The following MAP3K4 variants were observed in gnomAD, a reference collection of about 807,000 sequenced individuals.
MAP3K4 encodes the protein MAP three kinase 1.
MAP3K4 carries 67 observed loss-of-function variants against 185.6 expected under a neutral mutation model. The ratio of observed to expected loss-of-function variants is 0.36; its 90% CI spans 0.30 to 0.44. The LOEUF is 0.44. Among genes scored for constraint, MAP3K4 ranks in the 20% least tolerant of loss-of-function variants. The pLI is 1.00. For synonymous variants in MAP3K4, 702 were observed against 710.4 expected, an observed-to-expected ratio of 0.99 and a Z score of 0.19; for missense variants, 1,551 against 1,995.1, an observed-to-expected ratio of 0.78 and a Z score of 4.24.
chr6:161,050,579 C>T (rs113482225), intron 3 of MAP3K4, among the ~76,000 whole-genome samples: 11 of 152,150 alleles, frequency 7.2e-5, no homozygotes, highest in Non-Finnish European at 1.6e-4. Flanking sequence ...ATATGTGTTT[C>T]GATATGTGTA....
At chr6:161,057,924 G>A (rs1784315137) in intron 3 of MAP3K4, among the ~76,000 whole-genome samples, 1 of 152,218 alleles carries the variant, frequency 6.6e-6, no homozygotes, top group Admixed American at 6.5e-5. Context: ...TGAGCAAACC[G>A]ACTCAAACTG....
At position 161,073,622 on chromosome 6, in the gene MAP3K4, A is replaced by C. The variant is rs764849051; in HGVS notation, c.2097+10A>C. The C allele has an allele frequency of 5.0e-6, 8 of 1,591,552 alleles. No homozygotes were observed. The highest frequency in any genetic ancestry group is 6.8e-6 in the Non-Finnish European group (8 of 1,172,016). On this transcript the variant is annotated intron_variant, in intron 5 of 26. Coordinates refer to ENST00000392142, the MANE Select transcript of MAP3K4 (RefSeq NM_005922.4). This position sits in a 1 kb window ranked among gnomAD's most constrained non-coding sequence, Gnocchi z 4.2. ...ACATAAAATGCTTATGGTCAGAAGC[A>C]GTGGGGAGGAATTTTTCTTTCTTTC...
chr6:161,066,838 A>T (rs1156519219), intron 3 of MAP3K4, among the ~76,000 whole-genome samples: 1 of 152,172 alleles, frequency 6.6e-6, no homozygotes, highest in African/African-American at 2.4e-5. Context: ...AGAACTAGGG[A>T]TTGTGCCTTT....
Position 161,093,327 on chromosome 6 carries a change from A to G in MAP3K4, c.3348+271A>G, listed in dbSNP as rs868188512. On this transcript the variant is annotated intron_variant, in intron 14 of 26. Coordinates refer to ENST00000392142, the MANE Select transcript of MAP3K4 (RefSeq NM_005922.4). This position sits in a 1 kb window ranked among gnomAD's most constrained non-coding sequence, Gnocchi z 5.2. ...TTGTGAGATTTATATTTTTACTGCC[A>G]TCATAGCTGCTGCTTTGGGGCAGAA... is the stretch of plus-strand genomic sequence containing the variant. Among the ~76,000 whole-genome samples, 7 of 152,222 alleles carry G rather than the reference A, an allele frequency of 4.6e-5. No individual in the cohort carries two copies. Among genetic ancestry groups the G allele is most frequent in the Admixed American group, 2.0e-4 (3 of 15,282 alleles).
Position 161,115,843 on chromosome 6 carries a change from T to C in MAP3K4, c.4806+541T>C, listed in dbSNP as rs1297855081. Among the ~76,000 whole-genome samples the C allele has an allele frequency of 6.6e-6, 1 of 152,022 alleles. No homozygotes were observed. The highest frequency in any genetic ancestry group is 1.5e-5 in the Non-Finnish European group (1 of 68,002). ...AGAGTGGGATGGTCACAGAGCCCTG[T>C]GTAGGTAGATCCTGGTGAACACAGG... On this transcript the variant is annotated intron_variant, in intron 26 of 26. Transcript: ENST00000392142. The surrounding 1 kb of genome is among the most constrained non-coding windows in gnomAD (Gnocchi z 6.0).
chr6:161,070,506 AG>A lies in MAP3K4; in HGVS notation c.1708-101del, dbSNP rs1784889287. On this transcript the variant is annotated intron_variant, in intron 3 of 26. Transcript: ENST00000392142. This position sits in a 1 kb window ranked among gnomAD's most constrained non-coding sequence, Gnocchi z 4.5. ...TTCCCTGTAAAATTAGAATTTTTGT[AG>A]ATTTGTTAGCACATTGTAGAGAATA... The A allele has an allele frequency of 3.6e-6, 3 of 837,762 alleles. No homozygotes were observed. The highest frequency in any genetic ancestry group is 5.3e-6 in the Non-Finnish European group (3 of 565,620). The allele number at this position is 837,762 out of a possible 1,614,324, so 51.9% of individuals were successfully genotyped here.
chr6:161,028,356 T>TG (rs142613772), intron 1 of MAP3K4, among the ~76,000 whole-genome samples: 10,524 of 152,296 alleles, frequency 0.069, 533 homozygotes, highest in East Asian at 0.19. Context: ...CTAGTAAGTG[T>TG]GGGGGCGTAG....
At chr6:161,021,642 A>G (rs1253380122) in intron 1 of MAP3K4, among the ~76,000 whole-genome samples, 1 of 152,190 alleles carries the variant, frequency 6.6e-6, no homozygotes, top group East Asian at 1.9e-4. Context: ...TCCATAGCAT[A>G]ATTCATAAGT....
intron 1 of MAP3K4, among the ~76,000 whole-genome samples, chr6:161,024,984 C>T (rs529230847): frequency 6.6e-6 from 1 of 152,094 alleles, no homozygotes; most frequent in Admixed American, 6.5e-5. Context: ...TCCATCCATC[C>T]ACCCACCCAC....
rs1343293775 is a variant in MAP3K4 at position 161,071,785 on chromosome 6, T to C, written c.1950+935T>C. Among the ~76,000 whole-genome samples, 1 of 152,204 alleles carries C rather than the reference T, an allele frequency of 6.6e-6. No individual in the cohort carries two copies. The highest frequency in any genetic ancestry group is 1.5e-5 in the Non-Finnish European group (1 of 68,026). On this transcript the variant is annotated intron_variant, in intron 4 of 26. Coordinates refer to ENST00000392142, the MANE Select transcript of MAP3K4 (RefSeq NM_005922.4). This position sits in a 1 kb window ranked among gnomAD's most constrained non-coding sequence, Gnocchi z 4.6. Reference sequence around the variant, plus strand: ...TGTTAGCTCCCCTTCCTTCTCACCCTCTTGTTTCTGGTTATTGTCGTGCTG... The same window carrying C: ...TGTTAGCTCCCCTTCCTTCTCACCCCCTTGTTTCTGGTTATTGTCGTGCTG...
intron 1 of MAP3K4, among the ~76,000 whole-genome samples, chr6:161,026,831 G>A (rs1232826814): frequency 6.9e-6 from 1 of 144,194 alleles, no homozygotes. Context: ...GTTTTGTTGT[G>A]TTGTATTTAT....
At chr6:161,069,664 C>T (rs549792293) in intron 3 of MAP3K4, among the ~76,000 whole-genome samples, 4 of 152,222 alleles carry the variant, frequency 2.6e-5, no homozygotes, top group South Asian at 2.1e-4. Flanking sequence ...CAGTGCCAGG[C>T]GTGGGGACGG....
intron 1 of MAP3K4, among the ~76,000 whole-genome samples, chr6:161,028,162 C>A (rs531602499): frequency 6.6e-6 from 1 of 152,216 alleles, no homozygotes; most frequent in Non-Finnish European, 1.5e-5. Flanking sequence ...AGGCCGGTTT[C>A]ATCAGGGACC....
chr6:161,035,176 C>T (rs77660220), intron 2 of MAP3K4, among the ~76,000 whole-genome samples: 5,845 of 152,144 alleles, frequency 0.038, 151 homozygotes, highest in South Asian at 0.072. Flanking sequence ...TTAGAATTTA[C>T]CTGTTAATCT....
chr6:161,105,240 A>G (rs1778016429), intron 19 of MAP3K4, among the ~76,000 whole-genome samples: 1 of 152,230 alleles, frequency 6.6e-6, no homozygotes, highest in African/African-American at 2.4e-5. Context: ...TGATAAAACA[A>G]GTTGGAGAAA....
intron 1 of MAP3K4, among the ~76,000 whole-genome samples, chr6:161,033,053 A>C (rs1317187557): frequency 6.6e-6 from 1 of 152,082 alleles, no homozygotes; most frequent in Non-Finnish European, 1.5e-5. Flanking sequence ...TATTTTCTGC[A>C]GTTTTGTCAA....
chr6:161,073,380 T>G lies in MAP3K4; in HGVS notation c.1951-86T>G, dbSNP rs932538433. ...TAGAGGCAAGGTTCCCTCTGAGTTT[T>G]TTGAAGATTTAAGTAGGAAGATATA... On this transcript the variant is annotated intron_variant, in intron 4 of 26. Transcript: ENST00000392142. This position sits in a 1 kb window ranked among gnomAD's most constrained non-coding sequence, Gnocchi z 4.2. 3.7e-6 allele frequency: 5 copies of G among 1,358,498 alleles called. No individual in the cohort carries two copies. In the African/African-American group the frequency reaches 7.4e-5, roughly 20 times the overall value. The allele number at this position is 1,358,498 out of a possible 1,614,324, so 84.2% of individuals were successfully genotyped here. A position where few individuals can be genotyped will look rare whatever the true frequency, so the allele number is the denominator to read the frequency against.
intron 18 of MAP3K4, 104 bp from the exon 19 acceptor site, chr6:161,102,595 A>G: frequency 1.5e-6 from 1 of 664,238 alleles, no homozygotes; most frequent in Non-Finnish European, 2.5e-6. Flanking sequence ...AATAACCAGA[A>G]AGGCAAACAG....
At position 160,991,873 on chromosome 6, in the gene MAP3K4, T is replaced by A. The variant is rs532833960; in HGVS notation, c.-59T>A. 9.7e-6 allele frequency: 14 copies of A among 1,437,308 alleles called. No individual in the cohort carries two copies. Among genetic ancestry groups the A allele is most frequent in the Admixed American group, 2.8e-5 (1 of 35,236 alleles). The allele number at this position is 1,437,308 out of a possible 1,614,324, so 89.0% of individuals were successfully genotyped here. On this transcript the variant is annotated 5_prime_UTR_variant, in exon 1 of 27. Transcript: ENST00000392142. The surrounding 1 kb of genome is among the most constrained non-coding windows in gnomAD (Gnocchi z 5.7). ...TCACTCCCGCACTTCGGGGCTCCGG[T>A]GCCCCGCGCCAGGCTGCAGCTTACT...
Sources: allele counts gnomAD v4.1 joint callset (sites outside exome capture counted in the v4.1 genomes callset), GRCh38; gene constraint gnomAD v4.1.1; non-coding constraint Gnocchi (gnomAD v3.1); transcripts MANE v1.5; gene names NCBI Gene and HGNC (gene_info 2026-07-23, HGNC 2026-07-21).